Variants in LRATD1 observed in about 807,000 individuals in gnomAD.
LRATD1 encodes the protein protein LRATD1.
Under a neutral mutation model 21.3 loss-of-function variants are expected in LRATD1, and 8 were observed. The observed-to-expected ratio is 0.38, with a 90% CI of 0.22 to 0.68. LRATD1 has a LOEUF of 0.68. LRATD1 is among the 30% of genes least tolerant of loss of function. The probability of loss-of-function intolerance (pLI) is 0.54; values close to 1 mark genes in which losing one functional copy is unlikely to be tolerated. For missense variants in LRATD1, 380 were observed against 404.0 expected, an observed-to-expected ratio of 0.94 and a Z score of 0.51; for synonymous variants, 210 against 186.2, an observed-to-expected ratio of 1.13 and a Z score of -1.04.
At chr2:14,640,675 A>T (rs1300444786), downstream of LRATD1, among the ~76,000 whole-genome samples, 9 of 152,184 alleles carry the variant, frequency 5.9e-5, no homozygotes, top group Admixed American at 3.9e-4. Flanking sequence ...TTCTAAATTC[A>T]GTTATTTTCC....
Position 14,634,972 on chromosome 2 carries a change from G to A in LRATD1, c.*114G>A. 1 of 1,373,294 alleles carries A rather than the reference G, an allele frequency of 7.3e-7. No homozygotes were observed. Among genetic ancestry groups the A allele is most frequent in the Non-Finnish European group, 9.8e-7 (1 of 1,018,962 alleles). The allele number at this position is 1,373,294 out of a possible 1,614,324, so 85.1% of individuals were successfully genotyped here. On this transcript the variant is annotated 3_prime_UTR_variant, in exon 2 of 2. Transcript: ENST00000295092. The stretch of plus-strand genomic sequence containing the variant: ...ACCTCTGCCCCGCCCCGCCACGCGC[G>A]TCCGCCGCCGGTGGCCCGGGCCCGG...
chr2:14,636,118 T>G lies in LRATD1; in HGVS notation c.*1260T>G, dbSNP rs1671683420. The G allele has an allele frequency of 5.7e-6, 1 of 176,968 alleles. No homozygotes were observed. The highest frequency in any genetic ancestry group is 5.7e-5 in the Admixed American group (1 of 17,646). 11.0% of individuals were successfully genotyped at this position (176,968 alleles called of 1,614,324 possible). A position where few individuals can be genotyped will look rare whatever the true frequency, so the allele number is the denominator to read the frequency against. ...AGCTAAGAGCTTAGCTAACATTGCC[T>G]TTTCACTCTATTTTTCTCAGATATT... On this transcript the variant is annotated 3_prime_UTR_variant, in exon 2 of 2. Transcript: ENST00000295092.
In LRATD1 at chr2:14,636,165, ATTGTAG is replaced by A. The variant is rs1386925471; in HGVS notation, c.*1310_*1315del. The stretch of plus-strand genomic sequence containing the variant: ...TATTGTAAGCATTCTGTTTTTCAAT[ATTGTAG>A]TTAATTTTTTGGCTTTCAACAGCAG... On this transcript the variant is annotated 3_prime_UTR_variant, in exon 2 of 2. Transcript: ENST00000295092. The A allele has an allele frequency of 5.8e-6, 1 of 173,434 alleles. No homozygotes were observed. The highest frequency in any genetic ancestry group is 1.4e-5 in the Non-Finnish European group (1 of 71,578). 10.7% of individuals were successfully genotyped at this position (173,434 alleles called of 1,614,324 possible).
Sources: allele counts gnomAD v4.1 joint callset (sites outside exome capture counted in the v4.1 genomes callset), GRCh38; gene constraint gnomAD v4.1.1; transcripts MANE v1.5; gene names NCBI Gene and HGNC (gene_info 2026-07-23, HGNC 2026-07-21).